Variants in CADPS2 observed in about 807,000 individuals in gnomAD.
CADPS2 encodes calcium-dependent secretion activator 2.
In CADPS2, 93 loss-of-function variants were observed where a neutral mutation model predicts 172.5. The ratio of observed to expected loss-of-function variants is 0.54; its 90% confidence interval spans 0.46 to 0.64. The LOEUF (loss-of-function observed/expected upper bound fraction) is 0.64, where lower values mean the gene tolerates loss of function less well. CADPS2 is among the 30% of genes least tolerant of loss of function. The pLI, the probability that CADPS2 is intolerant of heterozygous loss-of-function variation, is 0.00. For synonymous variants in CADPS2, 546 were observed against 555.2 expected (o/e 0.98, Z 0.23); for missense variants, 1,420 against 1,565.9 (o/e 0.91, Z 1.57).
chr7:122,603,460 G>GAAAAA (rs11451995), intron 6 of CADPS2, among the ~76,000 whole-genome samples: 1 of 147,930 alleles, frequency 6.8e-6, no homozygotes, highest in Non-Finnish European at 1.5e-5. Context: ...TACATGAGCA[G>GAAAAA]AAAAAAAAAA....
At chr7:122,407,733 T>A in intron 19 of CADPS2, 37 bp from the exon 20 acceptor site, 1 of 1,555,058 alleles carries the variant, frequency 6.4e-7, no homozygotes. Flanking sequence ...GAAAAGTAGA[T>A]TACTTTTTAG....
chr7:122,746,917 G>A (rs1000257150), intron 1 of CADPS2, among the ~76,000 whole-genome samples: 1 of 152,094 alleles, frequency 6.6e-6, no homozygotes, highest in Non-Finnish European at 1.5e-5. Context: ...AGTCTTGTTG[G>A]TCATTATCTT....
At chr7:122,752,645 A>G (rs1160314082) in intron 1 of CADPS2, among the ~76,000 whole-genome samples, 1 of 152,032 alleles carries the variant, frequency 6.6e-6, no homozygotes, top group Non-Finnish European at 1.5e-5. Flanking sequence ...CATACACCCT[A>G]CCTTTGCCTA....
chr7:122,685,882 G>A (rs2083557209), intron 2 of CADPS2, among the ~76,000 whole-genome samples: 1 of 152,194 alleles, frequency 6.6e-6, no homozygotes, highest in South Asian at 2.1e-4. Context: ...TGTTAAAGCA[G>A]AGGAAGATGC....
chr7:122,699,477 C>T (rs1041066302), intron 2 of CADPS2, among the ~76,000 whole-genome samples: 11 of 152,030 alleles, frequency 7.2e-5, no homozygotes, highest in Non-Finnish European at 1.3e-4. Context: ...GTGCAGTGAC[C>T]GGATGTGAGG....
At chr7:122,493,244 C>T (rs1377279223) in intron 9 of CADPS2, among the ~76,000 whole-genome samples, 1 of 152,164 alleles carries the variant, frequency 6.6e-6, no homozygotes, top group East Asian at 1.9e-4. Flanking sequence ...AAGATGACTA[C>T]TCTTTTTTAT....
intron 24 of CADPS2, 52 bp downstream of exon 24, chr7:122,386,974 C>G (rs769707126): frequency 6.5e-7 from 1 of 1,528,924 alleles, no homozygotes; most frequent in African/African-American, 1.4e-5. Context: ...AGGGCATTTC[C>G]CATGCCAAGG....
rs1177504186 is a variant in CADPS2, at chr7:122,513,320, A to G, written c.1476-5T>C. On this transcript the variant is annotated splice_region_variant and splice_polypyrimidine_tract_variant and intron_variant, in intron 8 of 29. Coordinates refer to ENST00000449022, the MANE Select transcript of CADPS2 (RefSeq NM_017954.11). Reference sequence around the variant, plus strand: ...TGTCCAAGGGCATACAGATATCTGGAAAGAAAAACAAAAGCCAAAGAATAC... The same window carrying G: ...TGTCCAAGGGCATACAGATATCTGGGAAGAAAAACAAAAGCCAAAGAATAC... 9.0e-6 allele frequency: 14 copies of G among 1,549,994 alleles called. No individual in the cohort carries two copies. The highest frequency in any genetic ancestry group is 1.2e-5 in the Non-Finnish European group (14 of 1,143,926).
intron 8 of CADPS2, among the ~76,000 whole-genome samples, chr7:122,519,316 G>T (rs1419467695): frequency 6.6e-6 from 1 of 152,026 alleles, no homozygotes; most frequent in Admixed American, 6.6e-5. Context: ...ACTATTTAAA[G>T]TATTTGTTTT....
chr7:122,645,384 CAT>C (rs202134947), intron 3 of CADPS2, among the ~76,000 whole-genome samples: 2,778 of 61,628 alleles, frequency 0.045, 273 homozygotes, highest in Middle Eastern at 0.12. Flanking sequence ...CACATATGTA[CAT>C]GTGTGTGTAT....
intron 1 of CADPS2, among the ~76,000 whole-genome samples, chr7:122,765,889 G>T (rs1167221949): frequency 6.6e-6 from 1 of 152,074 alleles, no homozygotes; most frequent in African/African-American, 2.4e-5. Context: ...GGATTTCTGG[G>T]CTCAATTCCT....
chr7:122,813,193 A>C (rs1446180912), intron 1 of CADPS2, among the ~76,000 whole-genome samples: 1 of 152,082 alleles, frequency 6.6e-6, no homozygotes, highest in Non-Finnish European at 1.5e-5. Flanking sequence ...ATCAGTACCA[A>C]GCTTCTTTGA....
intron 9 of CADPS2, among the ~76,000 whole-genome samples, chr7:122,495,104 T>G (rs1227484313): frequency 6.6e-6 from 1 of 152,164 alleles, no homozygotes; most frequent in Non-Finnish European, 1.5e-5. Context: ...TTCATAAAGC[T>G]ATTTTACACA....
chr7:122,402,899 T>A, intron 20 of CADPS2, among the ~76,000 whole-genome samples: 1 of 152,152 alleles, frequency 6.6e-6, no homozygotes, highest in East Asian at 1.9e-4. Context: ...TTGTAATTAT[T>A]TCGAATTTAG....
intron 6 of CADPS2, among the ~76,000 whole-genome samples, chr7:122,595,360 G>A (rs1016335411): frequency 6.6e-6 from 1 of 152,028 alleles, no homozygotes; most frequent in Non-Finnish European, 1.5e-5. Context: ...CCTAATTGAT[G>A]TCTAATTCGA....
At chr7:122,759,591 A>T (rs1342671851) in intron 1 of CADPS2, among the ~76,000 whole-genome samples, 1 of 152,132 alleles carries the variant, frequency 6.6e-6, no homozygotes, top group Non-Finnish European at 1.5e-5. Context: ...TCTTCTGAAC[A>T]TTATGTAGAA....
chr7:122,667,738 C>T (rs958970721), intron 2 of CADPS2, among the ~76,000 whole-genome samples: 3 of 151,714 alleles, frequency 2.0e-5, no homozygotes, highest in African/African-American at 4.8e-5. Flanking sequence ...AGGGCAGAGA[C>T]AAGGGACCCA....
chr7:122,775,966 G>A (rs1230460508), intron 1 of CADPS2, among the ~76,000 whole-genome samples: 2 of 117,432 alleles, frequency 1.7e-5, no homozygotes, highest in Non-Finnish European at 3.3e-5. Flanking sequence ...ATTTATTCAA[G>A]TTCAAAAATT....
At chr7:122,491,906 C>G (rs916456811) in intron 9 of CADPS2, among the ~76,000 whole-genome samples, 1 of 152,184 alleles carries the variant, frequency 6.6e-6, no homozygotes, top group Admixed American at 6.5e-5. Flanking sequence ...AAAAAAAGAT[C>G]TCACGCCTGT....
Sources: gnomAD v4.1 joint callset for allele counts (sites outside exome capture counted in the v4.1 genomes callset) on GRCh38, gnomAD v4.1.1 for gene constraint, MANE v1.5 for transcripts, NCBI Gene and HGNC (gene_info 2026-07-23, HGNC 2026-07-21) for gene names.